TMEM101: variants seen among roughly 807,000 people sequenced by gnomAD.
TMEM101 encodes the protein transmembrane protein 101.
Under a neutral mutation model 26.0 loss-of-function variants are expected in TMEM101, and 14 were observed. The observed-to-expected ratio is 0.54, with a 90% CI of 0.36 to 0.84. The LOEUF (loss-of-function observed/expected upper bound fraction) is 0.84. Ranked by LOEUF, TMEM101 falls within the 40% of genes least tolerant of loss-of-function variation. The pLI, the probability that TMEM101 is intolerant of heterozygous loss-of-function variation, is 0.01. For missense variants in TMEM101, 292 were observed against 345.1 expected, an observed-to-expected ratio of 0.85 and a Z score of 1.22; for synonymous variants, 152 against 145.1, an observed-to-expected ratio of 1.05 and a Z score of -0.34.
chr17:44,018,262 C>CT (rs1190937788), upstream of TMEM101, among the ~76,000 whole-genome samples: 3 of 152,086 alleles, frequency 2.0e-5, no homozygotes, highest in African/African-American at 7.2e-5. Context: ...GAGTTTGAGG[C>CT]TGCATTGAGC....
At chr17:44,017,113 T>G (rs1195151530), upstream of TMEM101, among the ~76,000 whole-genome samples, 1 of 146,858 alleles carries the variant, frequency 6.8e-6, no homozygotes, top group Non-Finnish European at 1.5e-5. Context: ...ATCACGCCAC[T>G]GCACTCCAGC....
At chr17:44,021,873 CA>C (rs914844311) in intron 1 of TMEM101, among the ~76,000 whole-genome samples, 34 of 152,312 alleles carry the variant, frequency 2.2e-4, no homozygotes, top group African/African-American at 8.2e-4. Flanking sequence ...CTTCCAGGTC[CA>C]AAACTCCAAA....
At chr17:44,014,119 G>A (rs1375854397) in intron 2 of TMEM101, among the ~76,000 whole-genome samples, 1 of 152,138 alleles carries the variant, frequency 6.6e-6, no homozygotes, top group Non-Finnish European at 1.5e-5. Flanking sequence ...TTGTGGCTTT[G>A]GGAAAGTCTG....
intron 1 of TMEM101, chr17:44,023,018 G>A (rs544793734): frequency 4.6e-5 from 13 of 282,334 alleles, no homozygotes; most frequent in Non-Finnish European, 8.2e-5. Flanking sequence ...AGGGAAAAGA[G>A]ATATATATAT....
chr17:44,016,641 T>C (rs2049234404), upstream of TMEM101, among the ~76,000 whole-genome samples: 1 of 152,168 alleles, frequency 6.6e-6, no homozygotes, highest in East Asian at 1.9e-4. Context: ...AAGTTGAAAA[T>C]GTGTGGCTGA....
rs766770363 is a variant in TMEM101 at position 44,013,076 on chromosome 17, C to T, written c.398G>A (p.Arg133Gln). The change falls in exon 3 of 4, where the codon CGG becomes CAG. Residue 133 changes from arginine to glutamine, a missense_variant. Coordinates refer to ENST00000206380, the MANE Select transcript of TMEM101 (RefSeq NM_032376.4). ...LASGAGELYR[R>Q]KPRSRSLQST... ...CTGCAGGGAGCGGCTGCGAGGTTTC[C>T]GGCGGTACAGCTCCCCAGCACCGCT... 2.1e-5 allele frequency: 33 copies of T among 1,609,672 alleles called. No homozygotes were observed. The highest frequency in any genetic ancestry group is 2.6e-5 in the Non-Finnish European group (31 of 1,176,934).
intron 1 of TMEM101, 41 bp downstream of exon 1, chr17:44,014,775 C>A (rs1364483953): frequency 2.9e-5 from 45 of 1,527,380 alleles, no homozygotes; most frequent in Admixed American, 4.3e-5. Context: ...GCCCACATCA[C>A]CGCCCCCTGC....
intron 2 of TMEM101, among the ~76,000 whole-genome samples, chr17:44,020,875 A>G (rs1597874685): frequency 6.6e-6 from 1 of 152,236 alleles, no homozygotes. Context: ...GTTGGCTTCT[A>G]TTGCAGCAGT....
chr17:44,014,386 C>T lies in TMEM101; in HGVS notation c.289G>A (p.Gly97Ser). Residue 97 changes from glycine to serine, a missense_variant, in exon 2 of 4, where the codon GGC (glycine) becomes AGC (serine). Gly to Ser is a moderately conservative substitution (Grantham distance 56). Around this residue, in one of 2 missense-constraint regions of TMEM101, gnomAD observed 143 missense variants for 133.2 expected, o/e 1.07. Transcript: ENST00000206380. ...AISTYAAYIG[G>S]YVHYGDWLKV... is the part of the protein sequence containing the mutation. ...AGCCAGTCCCCGTAGTGGACGTAGC[C>T]CCCGATGTAGGCGGCGTAGGTGCTA... is the stretch of plus-strand genomic sequence containing the variant. 1 of 1,554,352 alleles carries T rather than the reference C, an allele frequency of 6.4e-7. No homozygotes were observed. Among genetic ancestry groups the T allele is most frequent in the Non-Finnish European group, 8.7e-7 (1 of 1,148,430 alleles).
upstream of TMEM101, among the ~76,000 whole-genome samples, chr17:44,016,476 A>G (rs939322473): frequency 6.6e-6 from 1 of 152,082 alleles, no homozygotes; most frequent in Non-Finnish European, 1.5e-5. Context: ...CAGCCAATAT[A>G]TTTGTGATTG....
intron 3 of TMEM101, chr17:44,012,721 G>A (rs944829499): frequency 2.8e-5 from 12 of 423,716 alleles, no homozygotes; most frequent in African/African-American, 2.2e-4. Flanking sequence ...TAGTCCTTTG[G>A]GGGCTGGAGC....
At chr17:44,014,708 A>C in intron 1 of TMEM101, 108 bp downstream of exon 1, 1 of 1,502,294 alleles carries the variant, frequency 6.7e-7, no homozygotes. Flanking sequence ...AACCCCTCCC[A>C]GGGAGGTCCC....
At chr17:44,018,136 A>C (rs1001011597), upstream of TMEM101, among the ~76,000 whole-genome samples, 16 of 152,002 alleles carry the variant, frequency 1.1e-4, no homozygotes, top group African/African-American at 3.4e-4. Context: ...TAAATAAACA[A>C]ACACAGTCAC....
upstream of TMEM101, chr17:44,015,083 G>C: frequency 7.7e-7 from 1 of 1,302,512 alleles, no homozygotes; most frequent in Non-Finnish European, 1.0e-6. Flanking sequence ...CTCTAGTTCC[G>C]GATCTAAGGT....
chr17:44,011,701 A>G lies in TMEM101; in HGVS notation c.*227T>C, dbSNP rs2144002322. ...GCTGGCCTCAGCTCTCCTAACAGGA[A>G]AAAAACCTGTACAGCATTAGTGCCA... is the stretch of plus-strand genomic sequence containing the variant. On this transcript the variant is annotated 3_prime_UTR_variant, in exon 4 of 4. Transcript: ENST00000206380. The G allele has an allele frequency of 7.2e-6, 4 of 552,300 alleles. 1 individual carries two copies. The South Asian group carries it at 9.1e-5, about 13-fold the overall frequency. The allele number at this position is 552,300 out of a possible 1,614,324, so 34.2% of individuals were successfully genotyped here.
intron 2 of TMEM101, 127 bp from the exon 3 acceptor site, chr17:44,013,282 G>A: frequency 3.2e-6 from 3 of 942,490 alleles, no homozygotes; most frequent in South Asian, 3.7e-5. Flanking sequence ...ACATTTCCAA[G>A]CTTGGTGGGC....
chr17:44,020,655 G>A (rs2049276784), intron 2 of TMEM101, among the ~76,000 whole-genome samples: 1 of 152,350 alleles, frequency 6.6e-6, no homozygotes, highest in Non-Finnish European at 1.5e-5. Context: ...CCAGGAGGCA[G>A]AGGTTGCACT....
Position 44,014,498 on chromosome 17 carries a change from C to T in TMEM101, c.177G>A (p.Met59Ile). 6.4e-7 allele frequency: 1 copy of T among 1,570,420 alleles called. No individual in the cohort carries two copies. The highest frequency in any genetic ancestry group is 1.2e-5 in the South Asian group (1 of 85,822). The change falls in exon 2 of 4, where the codon ATG becomes ATA. Residue 59 changes from methionine (M) to isoleucine (I), a missense_variant. Physicochemically the swap from Met to Ile is conservative, Grantham distance 10. Transcript: ENST00000206380. ...DIPVPYLYFD[M>I]GAAVLCASFM... ...AACTAGCGCACAGCACGGCTGCCCCCATGTCGAAATACAGGTAAGGCACTG... is the reference window on the plus strand; with the variant it reads ...AACTAGCGCACAGCACGGCTGCCCCTATGTCGAAATACAGGTAAGGCACTG...
upstream of TMEM101, chr17:44,015,157 TGC>T: frequency 1.8e-6 from 1 of 570,682 alleles, no homozygotes; most frequent in Non-Finnish European, 3.0e-6. Context: ...TATTTGTCCC[TGC>T]GAATTTGAAA....
Sources: gnomAD v4.1 joint callset for allele counts (sites outside exome capture counted in the v4.1 genomes callset) on GRCh38, gnomAD v4.1.1 for gene constraint, gnomAD v4.1.1 regional missense constraint, MANE v1.5 for transcripts, NCBI Gene and HGNC (gene_info 2026-07-23, HGNC 2026-07-21) for gene names.